Variants in PTPRQ observed in about 807,000 individuals in gnomAD.
The protein encoded by PTPRQ is phosphatidylinositol phosphatase PTPRQ.
A neutral mutation model predicts 246.0 loss-of-function variants in PTPRQ; 199 were observed. The ratio of observed to expected loss-of-function variants is 0.81; its 90% confidence interval spans 0.72 to 0.91. PTPRQ has a LOEUF of 0.91. PTPRQ is among the 40% of genes least tolerant of loss of function. The pLI, the probability that PTPRQ is intolerant of heterozygous loss-of-function variation, is 0.00. For synonymous variants in PTPRQ, 869 were observed against 853.2 expected (o/e 1.02, Z -0.32); for missense variants, 2,624 against 2,528.4 (o/e 1.04, Z -0.81).
intron 22 of PTPRQ, 111 bp from the exon 23 acceptor site, chr12:80,542,619 T>A: frequency 7.9e-7 from 1 of 1,268,296 alleles, no homozygotes; most frequent in Non-Finnish European, 1.1e-6. Context: ...AATTTAAATA[T>A]GATCATTTTA....
intron 39 of PTPRQ, among the ~76,000 whole-genome samples, chr12:80,661,541 A>G (rs924659091): frequency 1.3e-5 from 2 of 151,598 alleles, no homozygotes; most frequent in South Asian, 2.1e-4. Context: ...ACACACATAT[A>G]TGTACACATA....
intron 5 of PTPRQ, among the ~76,000 whole-genome samples, chr12:80,460,197 A>T (rs1893110898): frequency 6.6e-6 from 1 of 152,226 alleles, no homozygotes; most frequent in African/African-American, 2.4e-5. Flanking sequence ...TTTTCAACTT[A>T]TGATATAGTT....
chr12:80,473,037 T>A (rs4417374), intron 8 of PTPRQ, among the ~76,000 whole-genome samples: 45,224 of 120,124 alleles, frequency 0.38, 8,170 homozygotes, highest in African/African-American at 0.56. Context: ...ACACACACAC[T>A]CACACACACG....
chr12:80,662,300 TA>T (rs2121262119), intron 39 of PTPRQ, among the ~76,000 whole-genome samples: 1 of 152,058 alleles, frequency 6.6e-6, no homozygotes, highest in Non-Finnish European at 1.5e-5. Flanking sequence ...GAATAAAGCA[TA>T]AAAATATTGA....
At chr12:80,520,441 T>C (rs1895440627) in intron 17 of PTPRQ, among the ~76,000 whole-genome samples, 1 of 152,152 alleles carries the variant, frequency 6.6e-6, no homozygotes, top group South Asian at 2.1e-4. Context: ...ACATGTGCCA[T>C]GTTGGTGTGC....
intron 25 of PTPRQ, among the ~76,000 whole-genome samples, chr12:80,573,605 T>C (rs1264161339): frequency 6.6e-6 from 1 of 152,226 alleles, no homozygotes; most frequent in Non-Finnish European, 1.5e-5. Flanking sequence ...TCAGAATTTC[T>C]ATATCATTTT....
intron 6 of PTPRQ, among the ~76,000 whole-genome samples, chr12:80,463,517 T>C (rs1254842388): frequency 2.0e-5 from 3 of 151,964 alleles, no homozygotes; most frequent in African/African-American, 2.4e-5. Flanking sequence ...ATACAGAGAA[T>C]GCCACAAAGA....
At chr12:80,626,287 G>A (rs1899199151) in intron 33 of PTPRQ, among the ~76,000 whole-genome samples, 1 of 152,096 alleles carries the variant, frequency 6.6e-6, no homozygotes, top group African/African-American at 2.4e-5. Flanking sequence ...GGCAGGCTTG[G>A]TATATATTGA....
intron 28 of PTPRQ, among the ~76,000 whole-genome samples, chr12:80,612,251 C>A (rs1411067437): frequency 6.7e-6 from 1 of 150,134 alleles, no homozygotes; most frequent in Non-Finnish European, 1.5e-5. Context: ...ATATGTTAAG[C>A]TGTTATTTAT....
At chr12:80,641,220 G>A (rs1218450984) in intron 35 of PTPRQ, among the ~76,000 whole-genome samples, 5 of 152,140 alleles carry the variant, frequency 3.3e-5, no homozygotes, top group South Asian at 2.1e-4. Context: ...AACATTTTTT[G>A]TTACATTCTG....
intron 34 of PTPRQ, among the ~76,000 whole-genome samples, chr12:80,632,531 A>G (rs943698136): frequency 2.8e-4 from 43 of 152,204 alleles, no homozygotes; most frequent in African/African-American, 9.6e-4. Context: ...AAAACATTTA[A>G]TGTAAAGAAT....
intron 32 of PTPRQ, among the ~76,000 whole-genome samples, chr12:80,620,751 T>A (rs939014269): frequency 2.0e-5 from 3 of 151,844 alleles, no homozygotes; most frequent in Non-Finnish European, 4.4e-5. Context: ...TGTACAGGAT[T>A]TTTGAAACAC....
At chr12:80,618,846 G>A (rs2121126556) in intron 30 of PTPRQ, among the ~76,000 whole-genome samples, 1 of 151,482 alleles carries the variant, frequency 6.6e-6, no homozygotes, top group Admixed American at 6.6e-5. Context: ...ACATACTAGA[G>A]CCCCATTAGA....
intron 43 of PTPRQ, among the ~76,000 whole-genome samples, chr12:80,677,477 G>A (rs938690018): frequency 6.6e-6 from 1 of 152,066 alleles, no homozygotes; most frequent in Non-Finnish European, 1.5e-5. Flanking sequence ...AAATGGTAAA[G>A]GTTGACTAGC....
intron 43 of PTPRQ, among the ~76,000 whole-genome samples, chr12:80,676,471 C>T (rs879525803): frequency 1.3e-5 from 2 of 152,002 alleles, no homozygotes; most frequent in African/African-American, 2.4e-5. Context: ...GGTGAAACCC[C>T]GTCTATACTA....
At chr12:80,538,892 C>T (rs376002444) in intron 19 of PTPRQ, among the ~76,000 whole-genome samples, 3 of 151,878 alleles carry the variant, frequency 2.0e-5, no homozygotes, top group South Asian at 2.1e-4. Context: ...GGAAGAAAAG[C>T]TTTGAGATTA....
chr12:80,552,645 T>TATATA (rs1486986901), intron 25 of PTPRQ, among the ~76,000 whole-genome samples: 8 of 76,470 alleles, frequency 1.0e-4, no homozygotes, highest in South Asian at 5.1e-4. Flanking sequence ...AAAAAAAAAA[T>TATATA]TATATATATA....
intron 35 of PTPRQ, among the ~76,000 whole-genome samples, chr12:80,642,859 G>T (rs1052823879): frequency 7.1e-6 from 1 of 141,526 alleles, no homozygotes; most frequent in Non-Finnish European, 1.5e-5. Context: ...GGCGGAGCTT[G>T]CAGTGAGCCG....
intron 16 of PTPRQ, among the ~76,000 whole-genome samples, chr12:80,508,052 G>A (rs533649785): frequency 8.6e-5 from 13 of 152,020 alleles, no homozygotes; most frequent in Middle Eastern, 3.4e-3. Flanking sequence ...GCAGGCAGAC[G>A]TTTTACCACT....
Sources: gnomAD v4.1 joint callset for allele counts (sites outside exome capture counted in the v4.1 genomes callset) on GRCh38, gnomAD v4.1.1 for gene constraint, MANE v1.5 for transcripts, NCBI Gene and HGNC (gene_info 2026-07-23, HGNC 2026-07-21) for gene names.